Variants in PGCKA1 observed in about 807,000 individuals in gnomAD.
PGCKA1 encodes the protein PDCD10 and GCKIII kinases-associated protein 1.
the PGCKA1 span, among the ~76,000 whole-genome samples, chr4:37,581,339 A>G: frequency 1.3e-5 from 2 of 151,792 alleles, no homozygotes; most frequent in Non-Finnish European, 2.9e-5. This position sits in a 1 kb window ranked among gnomAD's most constrained non-coding sequence, Gnocchi z 4.4. Context: ...ACAGCTAGGA[A>G]TGTGCTGGGT....
chr4:37,459,799 C>CT, the PGCKA1 span, among the ~76,000 whole-genome samples: 1 of 136,242 alleles, frequency 7.3e-6, no homozygotes, highest in South Asian at 2.3e-4. Context: ...AGCTTTCTTT[C>CT]TTTTTTTTTT....
At chr4:37,529,619 G>A in the PGCKA1 span, among the ~76,000 whole-genome samples, 1 of 152,162 alleles carries the variant, frequency 6.6e-6, no homozygotes, top group Admixed American at 6.5e-5. Flanking sequence ...TATCACAGGT[G>A]GGCTGTTCTT....
the PGCKA1 span, among the ~76,000 whole-genome samples, chr4:37,487,186 A>G: frequency 6.6e-6 from 1 of 152,222 alleles, no homozygotes; most frequent in African/African-American, 2.4e-5. Context: ...TTAAGGAAAT[A>G]TTTCAAAAAG....
the PGCKA1 span, among the ~76,000 whole-genome samples, chr4:37,533,109 G>A: frequency 7.9e-6 from 1 of 127,302 alleles, no homozygotes; most frequent in Admixed American, 8.7e-5. Flanking sequence ...TGGAAAAATA[G>A]AAATTTAAAA....
At chr4:37,458,879 T>C in the PGCKA1 span, among the ~76,000 whole-genome samples, 2 of 152,344 alleles carry the variant, frequency 1.3e-5, no homozygotes, top group African/African-American at 4.8e-5. Flanking sequence ...ACCTCGTACC[T>C]TATGTAACTT....
chr4:37,479,926 AAG>A, the PGCKA1 span, among the ~76,000 whole-genome samples: 1 of 152,244 alleles, frequency 6.6e-6, no homozygotes, highest in Non-Finnish European at 1.5e-5. Flanking sequence ...GCAGTAGACT[AAG>A]CAAGAGACAT....
At chr4:37,543,139 G>A in the PGCKA1 span, among the ~76,000 whole-genome samples, 1 of 152,124 alleles carries the variant, frequency 6.6e-6, no homozygotes, top group African/African-American at 2.4e-5. Flanking sequence ...GCTCTTTTAA[G>A]TGATTGTTTT....
At chr4:37,495,776 A>G in the PGCKA1 span, among the ~76,000 whole-genome samples, 1 of 152,174 alleles carries the variant, frequency 6.6e-6, no homozygotes, top group Non-Finnish European at 1.5e-5. Flanking sequence ...TGATGGGTGC[A>G]GCAAACCACC....
the PGCKA1 span, among the ~76,000 whole-genome samples, chr4:37,466,104 A>G: frequency 1.3e-5 from 2 of 152,208 alleles, no homozygotes; most frequent in Non-Finnish European, 1.5e-5. Flanking sequence ...ACACTCATAC[A>G]AAACTGATTT....
At chr4:37,505,433 C>T in the PGCKA1 span, among the ~76,000 whole-genome samples, 1 of 151,886 alleles carries the variant, frequency 6.6e-6, no homozygotes, top group Non-Finnish European at 1.5e-5. Flanking sequence ...GTAATACTGG[C>T]CTTGTAGAAT....
At chr4:37,561,175 C>G in the PGCKA1 span, among the ~76,000 whole-genome samples, 1 of 152,160 alleles carries the variant, frequency 6.6e-6, no homozygotes, top group African/African-American at 2.4e-5. Context: ...AAGACTGTCT[C>G]CTCTCCTGCT....
the PGCKA1 span, among the ~76,000 whole-genome samples, chr4:37,461,708 G>T: frequency 6.6e-6 from 1 of 152,020 alleles, no homozygotes; most frequent in Non-Finnish European, 1.5e-5. Context: ...GGAGCCTGAT[G>T]AAGTCTGCTT....
the PGCKA1 span, among the ~76,000 whole-genome samples, chr4:37,552,147 A>G: frequency 6.6e-6 from 1 of 152,246 alleles, no homozygotes; most frequent in Non-Finnish European, 1.5e-5. Context: ...GTTAAAAATC[A>G]ACTCATGACT....
At chr4:37,583,500 G>C in the PGCKA1 span, among the ~76,000 whole-genome samples, 628 of 151,506 alleles carry the variant, frequency 4.1e-3, 7 homozygotes, top group Middle Eastern at 0.017. Flanking sequence ...GCAGTGGTGC[G>C]ATCTCGGCTC....
the PGCKA1 span, among the ~76,000 whole-genome samples, chr4:37,521,669 G>A: frequency 2.0e-5 from 3 of 152,166 alleles, no homozygotes; most frequent in Admixed American, 1.3e-4. Context: ...GAAGCTGTTG[G>A]ATGAAATGTT....
At chr4:37,590,063 C>T in the PGCKA1 span, 3 of 1,571,782 alleles carry the variant, frequency 1.9e-6, no homozygotes, top group Non-Finnish European at 1.7e-6. Context: ...GCAGACCTGA[C>T]TGGTTTTCAT....
chr4:37,483,906 C>T, the PGCKA1 span, among the ~76,000 whole-genome samples: 3 of 152,192 alleles, frequency 2.0e-5, no homozygotes, highest in Non-Finnish European at 2.9e-5. Context: ...ACACCACCCT[C>T]CACTCAGAAT....
the PGCKA1 span, among the ~76,000 whole-genome samples, chr4:37,542,779 C>G: frequency 1.3e-5 from 2 of 152,102 alleles, no homozygotes; most frequent in Non-Finnish European, 2.9e-5. Flanking sequence ...TGTAGGACAC[C>G]ACCCCAACTC....
the PGCKA1 span, among the ~76,000 whole-genome samples, chr4:37,495,900 TA>T: frequency 6.6e-6 from 1 of 152,234 alleles, no homozygotes; most frequent in East Asian, 1.9e-4. Context: ...GCCAACTTTT[TA>T]ATGGGGTTGT....
Sources: allele counts gnomAD v4.1 joint callset (sites outside exome capture counted in the v4.1 genomes callset), GRCh38; gene constraint gnomAD v4.1.1; non-coding constraint Gnocchi (gnomAD v3.1); transcripts MANE v1.5; gene names NCBI Gene and HGNC (gene_info 2026-07-23, HGNC 2026-07-21).